DAB2IP: variants seen among roughly 807,000 people sequenced by gnomAD.
DAB2IP encodes DAB2 interacting protein, also known as disabled homolog 2-interacting protein.
A neutral mutation model predicts 107.2 loss-of-function variants in DAB2IP; 28 were observed. That is an observed-to-expected ratio of 0.26 (90% CI 0.19 to 0.36). The LOEUF (loss-of-function observed/expected upper bound fraction) is 0.36, where lower values mean the gene tolerates loss of function less well. DAB2IP is among the 10% of genes least tolerant of loss of function. The probability of loss-of-function intolerance (pLI) is 1.00; values close to 1 mark genes in which losing one functional copy is unlikely to be tolerated. For synonymous variants in DAB2IP, 755 were observed against 706.4 expected (o/e 1.07, Z -1.09); for missense variants, 1,400 against 1,644.7 (o/e 0.85, Z 2.57).
intron 12 of DAB2IP, among the ~76,000 whole-genome samples, chr9:121,773,806 C>G (rs540015161): frequency 1.3e-5 from 2 of 152,308 alleles, no homozygotes; most frequent in African/African-American, 4.8e-5. Flanking sequence ...AAGCGCCTAC[C>G]CAGCTCTGCC....
upstream of DAB2IP, among the ~76,000 whole-genome samples, chr9:121,647,489 T>TG (rs1832578135): frequency 6.6e-6 from 1 of 152,188 alleles, no homozygotes; most frequent in African/African-American, 2.4e-5. Context: ...CACCCTGGCC[T>TG]GGCCCATGAT....
At chr9:121,743,734 C>T (rs1010584518) in intron 3 of DAB2IP, among the ~76,000 whole-genome samples, 1 of 152,176 alleles carries the variant, frequency 6.6e-6, no homozygotes, top group Non-Finnish European at 1.5e-5. Flanking sequence ...CTGAGCGGAG[C>T]TTAGAATAAG....
At chr9:121,754,964 G>T (rs532440303) in intron 3 of DAB2IP, among the ~76,000 whole-genome samples, 1 of 152,336 alleles carries the variant, frequency 6.6e-6, no homozygotes, top group South Asian at 2.1e-4. Context: ...TTCCAAGCTA[G>T]GCCAGAAAGC....
chr9:121,668,443 T>G (rs1833538971), intron 1 of DAB2IP, among the ~76,000 whole-genome samples: 1 of 152,206 alleles, frequency 6.6e-6, no homozygotes, highest in Admixed American at 6.5e-5. Flanking sequence ...CTCGCTGTGT[T>G]ACCCAGGCTG....
rs1019750041 is a variant in DAB2IP, at chr9:121,763,668, G to A, written c.1315+19G>A. On this transcript the variant is annotated intron_variant, in intron 7 of 15. Transcript: ENST00000408936. ...GCCCTAGGTAGGGAGTGGGCCAGCA[G>A]CAGGGCAGAGGGTGGGGCAGGGCCC... is the stretch of plus-strand genomic sequence containing the variant. The A allele has an allele frequency of 1.9e-6, 3 of 1,612,298 alleles. No individual in the cohort carries two copies. Among genetic ancestry groups the A allele is most frequent in the Non-Finnish European group, 2.5e-6 (3 of 1,179,142 alleles).
At chr9:121,770,874 A>G in intron 11 of DAB2IP, 150 bp downstream of exon 11, 1 of 1,115,070 alleles carries the variant, frequency 9.0e-7, no homozygotes, top group Non-Finnish European at 1.2e-6. Flanking sequence ...CTAAGTGGTG[A>G]ACCTCCATTT....
intron 2 of DAB2IP, among the ~76,000 whole-genome samples, chr9:121,693,609 C>T (rs1829271826): frequency 6.6e-6 from 1 of 152,198 alleles, no homozygotes; most frequent in African/African-American, 2.4e-5. Flanking sequence ...GGAGGGAGGG[C>T]CCACAGGGTT....
chr9:121,766,033 G>C (rs1453047134), intron 8 of DAB2IP, among the ~76,000 whole-genome samples: 1 of 152,222 alleles, frequency 6.6e-6, no homozygotes, highest in Non-Finnish European at 1.5e-5. Context: ...GGGAACCCAA[G>C]GAATAGTGGT....
chr9:121,614,343 T>TC lies in DAB2IP; in HGVS notation c.40+47115_40+47116insC, dbSNP rs1362400746. On this transcript the variant is annotated intron_variant, in intron 1 of 16. Transcript: ENST00000259371. ...CTTTGCACTTCTTTCTTTTCTTTTTTTTTTTTTTTTTTTTTGAGAGGGAGT... is the reference window on the plus strand; with the variant it reads ...CTTTGCACTTCTTTCTTTTCTTTTTTCTTTTTTTTTTTTTTTGAGAGGGAGT... Among the ~76,000 whole-genome samples the TC allele has an allele frequency of 1.8e-4, 26 of 144,846 alleles. No homozygotes were observed. In the East Asian group the frequency reaches 1.8e-3, roughly 10 times the overall value.
intron 1 of DAB2IP, among the ~76,000 whole-genome samples, chr9:121,578,154 C>T (rs1249500182): frequency 6.6e-6 from 1 of 152,108 alleles, no homozygotes; most frequent in Non-Finnish European, 1.5e-5. Context: ...TTCTGAGCCT[C>T]TTCTTTCAGA....
intron 1 of DAB2IP, among the ~76,000 whole-genome samples, chr9:121,598,014 A>G (rs1830564647): frequency 6.6e-6 from 1 of 152,154 alleles, no homozygotes; most frequent in South Asian, 2.1e-4. Context: ...GTAGATGGAC[A>G]TTTTATGGGA....
chr9:121,699,217 C>T lies in DAB2IP; in HGVS notation c.229-108C>T. 1.0e-6 allele frequency: 1 copy of T among 999,724 alleles called. No individual in the cohort carries two copies. The highest frequency in any genetic ancestry group is 1.2e-6 in the Non-Finnish European group (1 of 841,002). 61.9% of individuals were successfully genotyped at this position (999,724 alleles called of 1,614,324 possible). On this transcript the variant is annotated intron_variant, in intron 2 of 15. Transcript: ENST00000408936. This position sits in a 1 kb window ranked among gnomAD's most constrained non-coding sequence, Gnocchi z 6.2. ...GGGCCGAGCCCGAGCCCGGCCCGCC[C>T]TCGGCCGCGCGGCCGCCCAGCAAGG...
exon 15 of DAB2IP, chr9:121,781,519 GTGGACTCCAAAC>G: frequency 6.2e-7 from 1 of 1,614,040 alleles, no homozygotes. Flanking sequence ...GCAAGCGGCT[GTGGACTCCAAAC>G]AGAAGATCAT....
intron 3 of DAB2IP, among the ~76,000 whole-genome samples, chr9:121,714,185 A>T (rs1830474608): frequency 6.6e-6 from 1 of 152,194 alleles, no homozygotes; most frequent in South Asian, 2.1e-4. Flanking sequence ...GGTCCACCTC[A>T]TCATATATAT....
intron 1 of DAB2IP, among the ~76,000 whole-genome samples, chr9:121,609,850 A>G (rs963626556): frequency 1.3e-5 from 2 of 152,214 alleles, no homozygotes; most frequent in East Asian, 1.9e-4. Context: ...CCAAGAGCCA[A>G]GAATTCCCAG....
intron 3 of DAB2IP, among the ~76,000 whole-genome samples, chr9:121,703,755 T>G (rs1237285231): frequency 6.6e-6 from 1 of 152,212 alleles, no homozygotes; most frequent in East Asian, 1.9e-4. Flanking sequence ...CAGTTAATAT[T>G]GGTAGGGTTA....
At chr9:121,755,968 G>T (rs915939748) in intron 3 of DAB2IP, among the ~76,000 whole-genome samples, 7 of 152,136 alleles carry the variant, frequency 4.6e-5, no homozygotes, top group African/African-American at 1.7e-4. Context: ...TAGGGCGTTG[G>T]GGGTAGGAGG....
intron 13 of DAB2IP, among the ~76,000 whole-genome samples, chr9:121,774,850 G>C (rs1835079112): frequency 6.6e-6 from 1 of 152,136 alleles, no homozygotes; most frequent in African/African-American, 2.4e-5. Flanking sequence ...AGCCACCCCA[G>C]CCTGGCCCCC....
chr9:121,615,797 T>C (rs1831253476), intron 1 of DAB2IP, among the ~76,000 whole-genome samples: 1 of 151,990 alleles, frequency 6.6e-6, no homozygotes, highest in African/African-American at 2.4e-5. Flanking sequence ...CGGCTAATTT[T>C]ATATTTTTAG....
Sources: gnomAD v4.1 joint callset for allele counts (sites outside exome capture counted in the v4.1 genomes callset) on GRCh38, gnomAD v4.1.1 for gene constraint, Gnocchi (gnomAD v3.1) non-coding constraint, MANE v1.5 for transcripts, NCBI Gene and HGNC (gene_info 2026-07-23, HGNC 2026-07-21) for gene names.